IRF8: variants seen among roughly 807,000 people sequenced by gnomAD.
The protein encoded by IRF8 is interferon regulatory factor 8.
In IRF8, 14 loss-of-function variants were observed where a neutral mutation model predicts 48.7. The ratio of observed to expected loss-of-function variants is 0.29; its 90% CI spans 0.19 to 0.45. The LOEUF (loss-of-function observed/expected upper bound fraction) is 0.45. IRF8 is among the 20% of genes least tolerant of loss of function. The pLI is 1.00. For synonymous variants in IRF8, 278 were observed against 227.3 expected (o/e 1.22, Z -2.01); for missense variants, 493 against 580.7 (o/e 0.85, Z 1.55).
intron 2 of IRF8, among the ~76,000 whole-genome samples, chr16:85,904,575 G>T (rs951289669): frequency 3.9e-5 from 6 of 152,170 alleles, no homozygotes; most frequent in Admixed American, 1.3e-4. Flanking sequence ...GCAATTTGAG[G>T]TTGCTGATCT....
At chr16:85,910,172 T>G (rs1307575698) in intron 3 of IRF8, among the ~76,000 whole-genome samples, 1 of 152,186 alleles carries the variant, frequency 6.6e-6, no homozygotes, top group Non-Finnish European at 1.5e-5. Context: ...GGAGGCAGCA[T>G]GATGGTAAAG....
chr16:85,914,026 G>A (rs1211325795), intron 5 of IRF8: 1 of 232,040 alleles, frequency 4.3e-6, no homozygotes, highest in East Asian at 1.1e-4. Flanking sequence ...AGGTTGCCAG[G>A]CCTTGGGTGT....
At chr16:85,911,001 C>T (rs1382472628) in intron 3 of IRF8, among the ~76,000 whole-genome samples, 1 of 152,194 alleles carries the variant, frequency 6.6e-6, no homozygotes, top group Admixed American at 6.5e-5. Context: ...CCTGTGGACA[C>T]TGTGCACCTT....
At chr16:85,919,497 G>A (rs1163832509) in intron 7 of IRF8, among the ~76,000 whole-genome samples, 2 of 152,196 alleles carry the variant, frequency 1.3e-5, no homozygotes, top group Non-Finnish European at 2.9e-5. Flanking sequence ...GGGTATGTGT[G>A]AGCTCAGGGG....
chr16:85,903,118 A>G lies in IRF8; in HGVS notation c.103A>G (p.Met35Val), dbSNP rs763570356. Residue 35 changes from methionine (M) to valine (V), a missense_variant, in exon 2 of 9, where the codon ATG becomes GTG. Around this residue, in one of 3 missense-constraint regions of IRF8, gnomAD observed 54 missense variants for 59.9 expected, o/e 0.90. Coordinates refer to ENST00000268638, the MANE Select transcript of IRF8 (RefSeq NM_002163.4). ...GATTTGGGAGAATGAGGAGAAGAGCATGTTCCGGATCCCTTGGAAACACGC... is the reference window on the plus strand; with the variant it reads ...GATTTGGGAGAATGAGGAGAAGAGCGTGTTCCGGATCCCTTGGAAACACGC... Reference protein sequence around the residue: ...GLIWENEEKSMFRIPWKHAGK... With the variant: ...GLIWENEEKSVFRIPWKHAGK... 1.2e-6 allele frequency: 2 copies of G among 1,614,178 alleles called. No individual in the cohort carries two copies. Among genetic ancestry groups the G allele is most frequent in the South Asian group, 1.1e-5 (1 of 91,078 alleles).
chr16:85,913,295 C>T (rs1905200804), intron 5 of IRF8, 59 bp downstream of exon 5: 2 of 1,228,018 alleles, frequency 1.6e-6, no homozygotes, highest in East Asian at 2.3e-5. Context: ...TACGGCATTC[C>T]ACCAGCCAGG....
chr16:85,902,234 C>A (rs1270389604), intron 1 of IRF8, among the ~76,000 whole-genome samples: 2 of 152,010 alleles, frequency 1.3e-5, no homozygotes, highest in Non-Finnish European at 2.9e-5. Context: ...TAGGAGTTGC[C>A]CAGGAAGGAA....
Position 85,918,538 on chromosome 16 carries a change from G to A in IRF8, c.723G>A (p.Leu241=). Residue 241 remains leucine (L), a synonymous_variant, in exon 7 of 9, where the codon CTG becomes CTA. Transcript: ENST00000268638. ...AGCCTGGGCTGCCCGGCACCAAGCT[G>A]TATGGGCCCGAGGGCCTGGAGCTGG... ...LSQPGLPGTK[L]YGPEGLELVR... is the part of the protein sequence containing the mutation. 1 of 1,602,216 alleles carries A rather than the reference G, an allele frequency of 6.2e-7. No homozygotes were observed. The highest frequency in any genetic ancestry group is 8.5e-7 in the Non-Finnish European group (1 of 1,178,878).
intron 6 of IRF8, among the ~76,000 whole-genome samples, chr16:85,917,006 G>A (rs898747814): frequency 6.6e-6 from 1 of 152,202 alleles, no homozygotes; most frequent in Non-Finnish European, 1.5e-5. Context: ...TAGAACCTGC[G>A]TAACTCCAGC....
intron 3 of IRF8, among the ~76,000 whole-genome samples, chr16:85,910,355 G>T (rs560600683): frequency 2.2e-4 from 33 of 152,300 alleles, no homozygotes; most frequent in African/African-American, 7.7e-4. Context: ...ATACTAAATA[G>T]TAAGGCCAAC....
Position 85,918,565 on chromosome 16 carries a change from G to A in IRF8, c.750G>A (p.Val250=). 1 of 1,604,244 alleles carries A rather than the reference G, an allele frequency of 6.2e-7. No individual in the cohort carries two copies. The change falls in exon 7 of 9, where the codon GTG becomes GTA. Residue 250 remains valine (V), a synonymous_variant. Transcript: ENST00000268638. ...ATGGGCCCGAGGGCCTGGAGCTGGT[G>A]CGCTTCCCGCCGGCCGACGCCATCC... ...KLYGPEGLEL[V]RFPPADAIPS...
rs375642211 is a variant in IRF8, at chr16:85,911,231, CCTT to C, written c.359-335_359-333del. ...CAAATGCCCTGTCTTATAAATGTAA[CCTT>C]CTTAAGTTAGCAAATGCTTGCTGTA... On this transcript the variant is annotated intron_variant, in intron 3 of 8. Transcript: ENST00000268638. Among the ~76,000 whole-genome samples, 133 of 152,326 alleles carry C rather than the reference CCTT, an allele frequency of 8.7e-4. 4 individuals are homozygous for C. The highest frequency in any genetic ancestry group is 6.4e-3 in the Admixed American group (98 of 15,302).
chr16:85,902,985 T>C, intron 1 of IRF8, 30 bp from the exon 2 acceptor site: 1 of 1,612,974 alleles, frequency 6.2e-7, no homozygotes, highest in Non-Finnish European at 8.5e-7. Context: ...ATATCCGTAA[T>C]ATCACAGCGT....
intron 3 of IRF8, chr16:85,909,801 C>A (rs2152100918): frequency 6.4e-6 from 1 of 155,262 alleles, no homozygotes. Context: ...TGGGATCTGG[C>A]CTCAGAAGGC....
intron 1 of IRF8, among the ~76,000 whole-genome samples, chr16:85,901,787 G>T (rs540120630): frequency 1.4e-4 from 21 of 152,142 alleles, no homozygotes; most frequent in Non-Finnish European, 2.5e-4. Flanking sequence ...CGTACTTCTT[G>T]TGAAGGTTCT....
intron 6 of IRF8, 74 bp downstream of exon 6, chr16:85,914,594 G>T: frequency 1.3e-6 from 2 of 1,561,556 alleles, no homozygotes; most frequent in Non-Finnish European, 1.8e-6. Context: ...AAGCAGGGTT[G>T]CGGGGTTTCG....
chr16:85,903,060 C>G lies in IRF8; in HGVS notation c.45C>G (p.Ile15Met), dbSNP rs764958679. 1.7e-5 allele frequency: 28 copies of G among 1,614,042 alleles called. 1 individual carries two copies. The highest frequency in any genetic ancestry group is 6.7e-5 in the Admixed American group (4 of 60,010). ...GTCGGCGGCTTCGACAGTGGCTGAT[C>G]GAGCAGATTGACAGTAGCATGTATC... The part of the protein sequence containing the change: ...NGGRRLRQWL[I>M]EQIDSSMYPG... The change falls in exon 2 of 9, where the codon ATC becomes ATG. Residue 15 changes from isoleucine to methionine, a missense_variant. Physicochemically the swap from Ile to Met is conservative, Grantham distance 10 (BLOSUM62 1). Around this residue, in one of 3 missense-constraint regions of IRF8, gnomAD observed 54 missense variants for 59.9 expected, o/e 0.90. Coordinates refer to ENST00000268638, the MANE Select transcript of IRF8 (RefSeq NM_002163.4).
Position 85,913,189 on chromosome 16 carries a change from G to T in IRF8, c.506G>T (p.Cys169Phe). 6.2e-7 allele frequency: 1 copy of T among 1,614,188 alleles called. No homozygotes were observed. The highest frequency in any genetic ancestry group is 1.3e-5 in the African/African-American group (1 of 75,080). ...IKRSPSPPEA[C>F]RSQLLPDWWA... ...AGGAGCCCTTCCCCGCCGGAGGCCT[G>T]TCGGAGTCAGCTCCTTCCAGACTGG... The change falls in exon 5 of 9, where the codon TGT (cysteine) becomes TTT (phenylalanine). Residue 169 changes from cysteine to phenylalanine, a missense_variant. Around this residue, in one of 3 missense-constraint regions of IRF8, gnomAD observed 408 missense variants for 449.6 expected, o/e 0.91. Transcript: ENST00000268638.
At chr16:85,905,080 G>A (rs150996366) in intron 2 of IRF8, among the ~76,000 whole-genome samples, 1 of 152,228 alleles carries the variant, frequency 6.6e-6, no homozygotes, top group Non-Finnish European at 1.5e-5. Context: ...CTCCCCTACT[G>A]TCACAATCAA....
Sources: gnomAD v4.1 joint callset for allele counts (sites outside exome capture counted in the v4.1 genomes callset) on GRCh38, gnomAD v4.1.1 for gene constraint, gnomAD v4.1.1 regional missense constraint, MANE v1.5 for transcripts, NCBI Gene and HGNC (gene_info 2026-07-23, HGNC 2026-07-21) for gene names.